Variants in CCDC178 observed in about 807,000 individuals in gnomAD.
CCDC178 encodes coiled-coil domain-containing protein 178.
A neutral mutation model predicts 117.4 loss-of-function variants in CCDC178; 126 were observed. The observed-to-expected ratio is 1.07, with a 90% CI of 0.93 to 1.24. CCDC178 has a LOEUF of 1.24. Among genes scored for constraint, CCDC178 ranks in the 50% most tolerant of loss-of-function variants. The probability of loss-of-function intolerance (pLI) is 0.00; values close to 1 mark genes in which losing one functional copy is unlikely to be tolerated. For missense variants in CCDC178, 1,030 were observed against 986.9 expected (o/e 1.04, Z -0.59); for synonymous variants, 283 against 313.4 (o/e 0.90, Z 1.02).
At chr18:33,095,420 T>C (rs2057527490) in intron 20 of CCDC178, among the ~76,000 whole-genome samples, 1 of 151,954 alleles carries the variant, frequency 6.6e-6, no homozygotes, top group South Asian at 2.1e-4. Flanking sequence ...GCCTTGATAC[T>C]TCGGGGATAT....
At chr18:33,335,590 G>C (rs765963632) in intron 9 of CCDC178, among the ~76,000 whole-genome samples, 22 of 151,688 alleles carry the variant, frequency 1.5e-4, no homozygotes, top group Non-Finnish European at 2.9e-4. Flanking sequence ...ATTTCTTCAA[G>C]TTTTACAGTT....
intron 14 of CCDC178, among the ~76,000 whole-genome samples, chr18:33,266,351 T>C (rs547646381): frequency 6.6e-6 from 1 of 151,744 alleles, no homozygotes; most frequent in Non-Finnish European, 1.5e-5. Context: ...AATTGTAGTA[T>C]ATATAGGGTT....
At chr18:33,114,905 T>C (rs2057833413) in intron 20 of CCDC178, among the ~76,000 whole-genome samples, 1 of 152,014 alleles carries the variant, frequency 6.6e-6, no homozygotes, top group Admixed American at 6.6e-5. Flanking sequence ...GGAAAAAGAA[T>C]GTGGCTGCCT....
At chr18:32,944,568 G>GT (rs1353525409) in intron 22 of CCDC178, among the ~76,000 whole-genome samples, 1 of 152,090 alleles carries the variant, frequency 6.6e-6, no homozygotes, top group East Asian at 1.9e-4. Context: ...AAGGTTTATG[G>GT]TTTTTTTCCC....
intron 12 of CCDC178, among the ~76,000 whole-genome samples, chr18:33,272,342 A>G (rs1364334152): frequency 1.3e-5 from 2 of 151,596 alleles, no homozygotes; most frequent in African/African-American, 4.8e-5. Flanking sequence ...ACCTAACAAA[A>G]CTTACTCAAG....
intron 20 of CCDC178, among the ~76,000 whole-genome samples, chr18:33,146,761 T>C (rs1303221095): frequency 6.6e-6 from 1 of 152,100 alleles, no homozygotes; most frequent in Non-Finnish European, 1.5e-5. Flanking sequence ...TCCTTAAATA[T>C]AGAGAAGCAT....
chr18:33,362,610 T>TTAGTA (rs2063146334), intron 6 of CCDC178, among the ~76,000 whole-genome samples: 1 of 151,976 alleles, frequency 6.6e-6, no homozygotes, highest in African/African-American at 2.4e-5. Flanking sequence ...CATAGATATG[T>TTAGTA]TAGCCGGCTT....
intron 21 of CCDC178, among the ~76,000 whole-genome samples, chr18:33,059,928 A>C (rs1480025056): frequency 1.3e-5 from 2 of 152,240 alleles, no homozygotes; most frequent in East Asian, 3.9e-4. Flanking sequence ...GCTTTATGTA[A>C]GTCTCCATGT....
intron 21 of CCDC178, among the ~76,000 whole-genome samples, chr18:33,002,931 A>G (rs956969002): frequency 1.3e-5 from 2 of 152,168 alleles, no homozygotes; most frequent in Non-Finnish European, 2.9e-5. Context: ...GCCTAGAAGA[A>G]ATGGATAAAT....
chr18:33,300,564 G>C (rs2062163806), intron 11 of CCDC178, among the ~76,000 whole-genome samples: 1 of 152,166 alleles, frequency 6.6e-6, no homozygotes. Context: ...GTGAAGGCTA[G>C]ACTGATGAGG....
chr18:33,219,982 C>T (rs530173872), intron 18 of CCDC178, among the ~76,000 whole-genome samples: 44 of 151,910 alleles, frequency 2.9e-4, no homozygotes, highest in African/African-American at 9.7e-4. Context: ...CAATAATTCA[C>T]GAGTTAGAAA....
chr18:32,951,187 G>A (rs1211624367), intron 22 of CCDC178, among the ~76,000 whole-genome samples: 1 of 152,164 alleles, frequency 6.6e-6, no homozygotes, highest in Admixed American at 6.5e-5. Flanking sequence ...ATGCTGGTAT[G>A]TAATCCTACT....
intron 14 of CCDC178, among the ~76,000 whole-genome samples, chr18:33,257,716 C>A (rs975951527): frequency 2.0e-5 from 3 of 152,068 alleles, no homozygotes; most frequent in African/African-American, 7.2e-5. Flanking sequence ...CTCATTACTT[C>A]TCTGCCTACA....
intron 20 of CCDC178, among the ~76,000 whole-genome samples, chr18:33,205,119 C>T (rs2059033200): frequency 6.6e-6 from 1 of 151,870 alleles, no homozygotes; most frequent in African/African-American, 2.4e-5. Context: ...TTTCTATTAA[C>T]AGCAATAAAA....
intron 21 of CCDC178, among the ~76,000 whole-genome samples, chr18:33,088,768 T>G (rs1244936290): frequency 2.0e-5 from 3 of 152,114 alleles, no homozygotes; most frequent in African/African-American, 7.2e-5. Flanking sequence ...GATGCTTACA[T>G]CTCAGCTATT....
chr18:33,127,726 G>GCCCA (rs925895152), intron 20 of CCDC178, among the ~76,000 whole-genome samples: 6 of 152,042 alleles, frequency 3.9e-5, no homozygotes, highest in Non-Finnish European at 8.8e-5. Flanking sequence ...GAGCCACCAC[G>GCCCA]CCCAGCCCTG....
intron 12 of CCDC178, among the ~76,000 whole-genome samples, chr18:33,278,230 CATAT>C (rs35611375): frequency 0.85 from 121,694 of 143,738 alleles, 51,604 homozygotes; most frequent in South Asian, 0.93. Flanking sequence ...AAAATACATA[CATAT>C]ATATATATAT....
intron 20 of CCDC178, among the ~76,000 whole-genome samples, chr18:33,207,833 C>A (rs1034915552): frequency 1.3e-5 from 2 of 151,822 alleles, no homozygotes; most frequent in African/African-American, 4.8e-5. Context: ...ATAAGAGAAG[C>A]TTCTTCCTTG....
chr18:33,301,291 A>T (rs1317774326), intron 11 of CCDC178, among the ~76,000 whole-genome samples: 1 of 152,214 alleles, frequency 6.6e-6, no homozygotes, highest in Non-Finnish European at 1.5e-5. Flanking sequence ...ATTTCAGAGG[A>T]TGTAGGAGAA....
Sources: allele counts gnomAD v4.1 joint callset (sites outside exome capture counted in the v4.1 genomes callset), GRCh38; gene constraint gnomAD v4.1.1; transcripts MANE v1.5; gene names NCBI Gene and HGNC (gene_info 2026-07-23, HGNC 2026-07-21).